Variants in TEX11 observed in about 807,000 individuals in gnomAD.
TEX11 encodes testis expressed 11, also known as testis-expressed protein 11.
Under a neutral mutation model 84.4 loss-of-function variants are expected in TEX11, and 7 were observed. That is an observed-to-expected ratio of 0.08 (90% CI 0.05 to 0.16). The LOEUF is 0.16. Ranked by LOEUF, TEX11 falls within the 10% of genes least tolerant of loss-of-function variation. TEX11 has a pLI of 1.00. For synonymous variants in TEX11, 264 were observed against 222.8 expected (o/e 1.18, Z -1.64); for missense variants, 551 against 660.5 (o/e 0.83, Z 1.82).
intron 5 of TEX11, among the ~76,000 whole-genome samples, chrX:70,859,580 CAA>C (rs760041212): frequency 9.1e-4 from 32 of 35,026 alleles, no homozygotes; most frequent in South Asian, 2.7e-3. Flanking sequence ...AGATCCTGTC[CAA>C]AAAAAAAAAA....
chrX:70,811,829 G>C (rs753937825), intron 8 of TEX11, among the ~76,000 whole-genome samples: 29 of 111,747 alleles, frequency 2.6e-4, no homozygotes, highest in African/African-American at 9.4e-4. Context: ...GTCTTCTTTT[G>C]AGAAGTGTCT....
intron 2 of TEX11, among the ~76,000 whole-genome samples, chrX:70,889,918 G>T (rs1216308092): frequency 1.8e-5 from 2 of 111,336 alleles, no homozygotes; most frequent in African/African-American, 6.5e-5. Flanking sequence ...TAACAAAATG[G>T]CATGAGTAAG....
At chrX:70,896,842 G>A (rs1174889337) in intron 2 of TEX11, among the ~76,000 whole-genome samples, 1 of 109,852 alleles carries the variant, frequency 9.1e-6, no homozygotes, top group Non-Finnish European at 1.9e-5. Context: ...ACACAGGGAG[G>A]GGAACATCAC....
intron 10 of TEX11, among the ~76,000 whole-genome samples, chrX:70,742,027 G>T (rs2090736751): frequency 9.0e-6 from 1 of 111,149 alleles, no homozygotes; most frequent in Non-Finnish European, 1.9e-5. Context: ...ATGAATTCTA[G>T]GCTCTACGAA....
intron 28 of TEX11, among the ~76,000 whole-genome samples, chrX:70,532,397 A>G (rs1000179773): frequency 8.9e-6 from 1 of 112,645 alleles, no homozygotes; most frequent in Non-Finnish European, 1.9e-5. Flanking sequence ...AGTGGTGTTT[A>G]GAACAGACCT....
intron 2 of TEX11, among the ~76,000 whole-genome samples, chrX:70,894,406 T>C (rs997601486): frequency 8.2e-5 from 9 of 110,080 alleles, no homozygotes; most frequent in Non-Finnish European, 1.7e-4. Flanking sequence ...GGCAAGCAGA[T>C]CATGAGGTCA....
chrX:70,797,036 C>A (rs2091159433), intron 9 of TEX11, among the ~76,000 whole-genome samples: 1 of 112,305 alleles, frequency 8.9e-6, no homozygotes, highest in South Asian at 3.7e-4. Context: ...AGTTCAGCCA[C>A]TGTGGAAAGC....
intron 9 of TEX11, among the ~76,000 whole-genome samples, chrX:70,757,691 T>C (rs772346829): frequency 5.4e-5 from 6 of 111,808 alleles, no homozygotes; most frequent in Non-Finnish European, 7.5e-5. Flanking sequence ...AGACCGTCTA[T>C]GCTAGGAAAA....
At chrX:70,597,614 T>G (rs1448963058) in intron 24 of TEX11, among the ~76,000 whole-genome samples, 1 of 111,005 alleles carries the variant, frequency 9.0e-6, no homozygotes, top group Non-Finnish European at 1.9e-5. Flanking sequence ...ACACAAAAAT[T>G]AACTCAAAAT....
In TEX11 at chrX:70,833,522, G is replaced by A. The variant is rs1250730244; in HGVS notation, c.597C>T (p.Leu199=). The A allele has an allele frequency of 8.3e-7, 1 of 1,204,591 alleles. No homozygotes were observed. The highest frequency in any genetic ancestry group is 1.1e-6 in the Non-Finnish European group (1 of 891,502). ...TGCAGACTTCACTCACCATCTGGGG[G>A]AGCCTCATCAACATATCTTTACATT... is the stretch of plus-strand genomic sequence containing the variant. ...VLQCKDMLMR[L]PQMTSSLHHL... The change falls in exon 8 of 30, where the codon CTC becomes CTT. Residue 199 remains leucine, a synonymous_variant. Transcript: ENST00000374333.
chrX:70,901,978 G>A (rs2091805881), intron 2 of TEX11, among the ~76,000 whole-genome samples: 1 of 112,982 alleles, frequency 8.9e-6, no homozygotes, highest in Admixed American at 9.3e-5. Flanking sequence ...GACTGGGTAC[G>A]GTGGCTCACA....
the TEX11 span, among the ~76,000 whole-genome samples, chrX:70,513,789 G>A: frequency 4.6e-5 from 5 of 108,619 alleles, 1 homozygote; most frequent in African/African-American, 1.7e-4. Flanking sequence ...ACCGAGAGCC[G>A]TGTTGATCTG....
intron 28 of TEX11, among the ~76,000 whole-genome samples, chrX:70,541,339 G>A (rs185167607): frequency 8.9e-6 from 1 of 111,958 alleles, no homozygotes; most frequent in Non-Finnish European, 1.9e-5. Context: ...GAGGAGCTGA[G>A]AGTGGGAGAG....
chrX:70,524,997 G>T, downstream of TEX11, among the ~76,000 whole-genome samples: 1 of 111,032 alleles, frequency 9.0e-6, no homozygotes, highest in South Asian at 3.8e-4. Context: ...AACATAGTGA[G>T]ACCTCATCTC....
intron 14 of TEX11, among the ~76,000 whole-genome samples, 180 bp from the exon 15 acceptor site, chrX:70,679,069 CCTGCGATT>C (rs2090103909): frequency 8.9e-6 from 1 of 112,740 alleles, no homozygotes; most frequent in African/African-American, 3.2e-5. Flanking sequence ...CTGCCGACTG[CCTGCGATT>C]GCAGGCGCGC....
intron 25 of TEX11, among the ~76,000 whole-genome samples, chrX:70,584,152 G>A (rs1176386839): frequency 4.5e-4 from 49 of 107,806 alleles, no homozygotes; most frequent in Admixed American, 2.8e-3. Context: ...GCGCGGTGGC[G>A]GGCGCCTGTA....
chrX:70,697,747 T>C (rs1027613861), intron 13 of TEX11, among the ~76,000 whole-genome samples: 1 of 111,904 alleles, frequency 8.9e-6, no homozygotes, highest in South Asian at 3.7e-4. Context: ...TGAATGCTTA[T>C]CATATGCCAG....
rs749409071 is a variant in TEX11 at position 70,712,374 on chromosome X, CTTGGGCAGTATGGCCA to C, written c.1004+10228_1004+10243del. 8.5e-3 allele frequency among the ~76,000 whole-genome samples: 952 copies of C among 111,458 alleles called. 11 individuals are homozygous for C. Among genetic ancestry groups the C allele is most frequent in the African/African-American group, 0.029 (901 of 30,684 alleles). On this transcript the variant is annotated intron_variant, in intron 13 of 29. Transcript: ENST00000374333. ...GGATTGCATTGAATCTATAAATTAC[CTTGGGCAGTATGGCCA>C]TTTTCATGATATTGATTCTTCCTAC...
chrX:70,603,923 A>G (rs1037063564), intron 24 of TEX11, among the ~76,000 whole-genome samples: 2 of 111,881 alleles, frequency 1.8e-5, no homozygotes, highest in Non-Finnish European at 3.8e-5. Flanking sequence ...AGAGAGACAG[A>G]GTACCACTGT....
Sources: allele counts gnomAD v4.1 joint callset (sites outside exome capture counted in the v4.1 genomes callset), GRCh38; gene constraint gnomAD v4.1.1; transcripts MANE v1.5; gene names NCBI Gene and HGNC (gene_info 2026-07-23, HGNC 2026-07-21).